The following PDLIM5 variants were observed in gnomAD, a reference collection of about 807,000 sequenced individuals.
PDLIM5 encodes PDZ and LIM domain 5, also known as PDZ and LIM domain protein 5.
PDLIM5 carries 34 observed loss-of-function variants against 64.2 expected under a neutral mutation model. That is an observed-to-expected ratio of 0.53 (90% CI 0.40 to 0.71). The LOEUF (loss-of-function observed/expected upper bound fraction) is 0.71. PDLIM5 is among the 30% of genes least tolerant of loss of function. The probability of loss-of-function intolerance (pLI) is 0.00; values close to 1 mark genes in which losing one functional copy is unlikely to be tolerated. For synonymous variants in PDLIM5, 253 were observed against 269.1 expected, an observed-to-expected ratio of 0.94 and a Z score of 0.59; for missense variants, 683 against 733.6, an observed-to-expected ratio of 0.93 and a Z score of 0.80.
intron 9 of PDLIM5, among the ~76,000 whole-genome samples, chr4:94,644,435 AT>A (rs1359727006): frequency 6.6e-6 from 1 of 152,206 alleles, no homozygotes; most frequent in African/African-American, 2.4e-5. Context: ...TTCCAATTTT[AT>A]GTAAAGAAAC....
At chr4:94,486,694 A>G (rs771103554) in intron 2 of PDLIM5, among the ~76,000 whole-genome samples, 2 of 152,100 alleles carry the variant, frequency 1.3e-5, no homozygotes, top group East Asian at 1.9e-4. Flanking sequence ...TCTTGCTACC[A>G]TATGTGAAAA....
chr4:94,512,958 T>G (rs1164503935), intron 2 of PDLIM5, among the ~76,000 whole-genome samples: 1 of 152,202 alleles, frequency 6.6e-6, no homozygotes, highest in Non-Finnish European at 1.5e-5. Context: ...ATATGGATGT[T>G]CAGTTTTCCC....
chr4:94,542,307 C>CAAATAAATAAATAAATAAATAAAT lies in PDLIM5; in HGVS notation c.248+18436_248+18459dup, dbSNP rs547938931. Among the ~76,000 whole-genome samples the CAAATAAATAAATAAATAAATAAAT allele has an allele frequency of 9.5e-3, 1,426 of 150,230 alleles. 20 individuals carry two copies. The highest frequency in any genetic ancestry group is 0.026 in the South Asian group (120 of 4,626). On this transcript the variant is annotated intron_variant, in intron 3 of 12. Transcript: ENST00000317968. ...AGCCTGGGGGATAGAGTGAAACTGT[C>CAAATAAATAAATAAATAAATAAAT]AAATAAATAAATAAATAAATAAATA...
chr4:94,513,215 G>T (rs1347571375), intron 2 of PDLIM5, among the ~76,000 whole-genome samples: 1 of 152,082 alleles, frequency 6.6e-6, no homozygotes, highest in Non-Finnish European at 1.5e-5. Context: ...GCTATTCTGG[G>T]TCTTTTATGT....
At chr4:94,454,204 C>G (rs1393467411) in intron 1 of PDLIM5, among the ~76,000 whole-genome samples, 4 of 151,576 alleles carry the variant, frequency 2.6e-5, no homozygotes, top group Non-Finnish European at 5.9e-5. Flanking sequence ...AATTACATAT[C>G]TGTTATGTTT....
At chr4:94,502,954 A>ATTGT (rs952799908) in intron 2 of PDLIM5, among the ~76,000 whole-genome samples, 1 of 152,064 alleles carries the variant, frequency 6.6e-6, no homozygotes, top group Non-Finnish European at 1.5e-5. Flanking sequence ...TATCTTTGTG[A>ATTGT]TTGTTGCCAC....
intron 7 of PDLIM5, chr4:94,587,360 AG>A: frequency 2.6e-6 from 3 of 1,165,284 alleles, no homozygotes; most frequent in Non-Finnish European, 3.2e-6. Flanking sequence ...TGATTAGGGT[AG>A]TAATCTTGGA....
intron 2 of PDLIM5, among the ~76,000 whole-genome samples, chr4:94,458,414 A>G (rs938595051): frequency 2.6e-5 from 4 of 152,162 alleles, no homozygotes; most frequent in African/African-American, 9.6e-5. Context: ...TTTAAAAAGA[A>G]AACTATTTAG....
chr4:94,456,909 C>G, intron 2 of PDLIM5: 1 of 1,016,826 alleles, frequency 9.8e-7, no homozygotes, highest in Non-Finnish European at 1.2e-6. Context: ...TTGTATATAA[C>G]TGTGCTGTGC....
intron 9 of PDLIM5, among the ~76,000 whole-genome samples, chr4:94,651,009 C>A (rs931178309): frequency 2.0e-5 from 3 of 152,200 alleles, no homozygotes; most frequent in African/African-American, 7.2e-5. Context: ...TAATTCCACT[C>A]TGCAGTTATC....
At chr4:94,472,769 A>G (rs759480097) in intron 2 of PDLIM5, among the ~76,000 whole-genome samples, 10 of 152,236 alleles carry the variant, frequency 6.6e-5, no homozygotes, top group Non-Finnish European at 1.3e-4. Flanking sequence ...TATGAAATAA[A>G]TTATAAAATT....
intron 3 of PDLIM5, among the ~76,000 whole-genome samples, chr4:94,546,832 C>CT (rs1275085607): frequency 6.7e-5 from 4 of 59,926 alleles, no homozygotes; most frequent in East Asian, 7.0e-4. Flanking sequence ...TGACATTAGG[C>CT]CCCCCCCACC....
intron 2 of PDLIM5, among the ~76,000 whole-genome samples, chr4:94,513,599 C>G (rs1349186471): frequency 2.6e-5 from 4 of 152,066 alleles, no homozygotes; most frequent in African/African-American, 9.7e-5. Context: ...TTTATTAGTT[C>G]TAAATGGTTT....
rs552630579 is a variant in PDLIM5 at position 94,551,290 on chromosome 4, G to C, written c.249-22061G>C. Among the ~76,000 whole-genome samples the C allele has an allele frequency of 3.4e-4, 52 of 152,132 alleles. No homozygotes were observed. The South Asian group carries it at 5.2e-3, about 15-fold the overall frequency. On this transcript the variant is annotated intron_variant, in intron 3 of 12. Transcript: ENST00000317968. ...ATTGTATACCTGTTTAATGCCAATA[G>C]TGCTGCCAAAGGCTAAGGTTAGAAA...
intron 3 of PDLIM5, among the ~76,000 whole-genome samples, chr4:94,565,544 A>G (rs1207462182): frequency 6.6e-6 from 1 of 152,304 alleles, no homozygotes. Flanking sequence ...AAGACCCACA[A>G]GAAGATTATG....
chr4:94,486,340 A>G (rs958267739), intron 2 of PDLIM5, among the ~76,000 whole-genome samples: 2 of 152,216 alleles, frequency 1.3e-5, no homozygotes, highest in African/African-American at 4.8e-5. Flanking sequence ...TTCAGGAGAT[A>G]AGAGAAAGAT....
rs139819464 is a variant in PDLIM5 at position 94,456,543 on chromosome 4, G to A, written c.96+1159G>A. The A allele has an allele frequency of 1.1e-3, 790 of 718,872 alleles. 2 individuals carry two copies. The African/African-American group carries it at 0.011, about 10-fold the overall frequency. The allele number at this position is 718,872 out of a possible 1,614,324, so 44.5% of individuals were successfully genotyped here. A position where few individuals can be genotyped will look rare whatever the true frequency, so the allele number is the denominator to read the frequency against. ...TTTTTTTTGCAACAATTTACCCTGA[G>A]ATCATTCTCTATTAATATATAAGGA... On this transcript the variant is annotated intron_variant, in intron 2 of 12. Transcript: ENST00000317968.
Position 94,664,598 on chromosome 4 carries a change from G to A in PDLIM5, c.*531G>A, listed in dbSNP as rs900406682. On this transcript the variant is annotated 3_prime_UTR_variant, in exon 13 of 13. Coordinates refer to ENST00000317968, the MANE Select transcript of PDLIM5 (RefSeq NM_006457.5). ...AAAAAATTGCTTGTAGGCTGAGCGC[G>A]GTGGCTCACGCCTGTAATCCCAGCA... 38 of 754,416 alleles carry A rather than the reference G, an allele frequency of 5.0e-5. No individual in the cohort carries two copies. Among genetic ancestry groups the A allele is most frequent in the South Asian group, 5.8e-5 (1 of 17,110 alleles). 46.7% of individuals were successfully genotyped at this position (754,416 alleles called of 1,614,324 possible).
At chr4:94,469,641 T>C (rs983850321) in intron 2 of PDLIM5, among the ~76,000 whole-genome samples, 1 of 152,172 alleles carries the variant, frequency 6.6e-6, no homozygotes, top group African/African-American at 2.4e-5. Flanking sequence ...GGACAACTCC[T>C]GGGGATTTTA....
Sources: allele counts gnomAD v4.1 joint callset (sites outside exome capture counted in the v4.1 genomes callset), GRCh38; gene constraint gnomAD v4.1.1; transcripts MANE v1.5; gene names NCBI Gene and HGNC (gene_info 2026-07-23, HGNC 2026-07-21).